Variants in SLF1 observed in about 807,000 individuals in gnomAD.
SLF1 encodes SMC5/6 complex localization factor 1, also known as SMC5-SMC6 complex localization factor protein 1.
SLF1 carries 105 observed loss-of-function variants against 123.0 expected under a neutral mutation model. The ratio of observed to expected loss-of-function variants is 0.85; its 90% CI spans 0.73 to 1.00. The LOEUF is 1.00. Ranked by LOEUF, SLF1 falls within the 50% of genes least tolerant of loss-of-function variation. The pLI is 0.00. For missense variants in SLF1, 1,239 were observed against 1,223.0 expected (o/e 1.01, Z -0.20); for synonymous variants, 434 against 406.6 (o/e 1.07, Z -0.81).
chr5:94,646,746 AT>A (rs1241664602), intron 5 of SLF1, among the ~76,000 whole-genome samples: 1 of 152,196 alleles, frequency 6.6e-6, no homozygotes, highest in Non-Finnish European at 1.5e-5. Flanking sequence ...TGTGGTCCAC[AT>A]TTATAATGTA....
chr5:94,694,710 A>G, intron 20 of SLF1, 121 bp from the exon 21 acceptor site: 1 of 1,287,702 alleles, frequency 7.8e-7, no homozygotes, highest in Non-Finnish European at 1.0e-6. Context: ...GTCGACATGA[A>G]TTAATACAAA....
At position 94,630,554 on chromosome 5, in the gene SLF1, G is replaced by A; in HGVS notation, c.242G>A (p.Arg81Lys). Residue 81 changes from arginine to lysine, a missense_variant, in exon 4 of 21, where the codon AGA becomes AAA. Transcript: ENST00000265140. ...DYIIHSAKSG[R>K]WLDETTYEWG... ...ATAATTCATAGTGCCAAAAGTGGCA[G>A]ATGGCTTGATGAAACAACTTATGAA... The A allele has an allele frequency of 6.4e-7, 1 of 1,551,564 alleles. No homozygotes were observed.
chr5:94,638,761 C>T (rs188620115), intron 4 of SLF1, among the ~76,000 whole-genome samples: 18 of 152,270 alleles, frequency 1.2e-4, no homozygotes, highest in African/African-American at 3.4e-4. Context: ...CTGTGGTTTA[C>T]GCCGGTATCC....
intron 8 of SLF1, among the ~76,000 whole-genome samples, chr5:94,654,164 C>G (rs1748095628): frequency 6.6e-6 from 1 of 151,684 alleles, no homozygotes; most frequent in South Asian, 2.1e-4. Context: ...GAGTAAGACC[C>G]CATCTCAAAA....
At chr5:94,673,006 G>T (rs1170302795) in intron 14 of SLF1, among the ~76,000 whole-genome samples, 2 of 152,186 alleles carry the variant, frequency 1.3e-5, no homozygotes, top group Admixed American at 6.5e-5. Flanking sequence ...CTAATCCAAT[G>T]TCTATGTTTG....
At chr5:94,661,345 C>T (rs974945726) in intron 9 of SLF1, among the ~76,000 whole-genome samples, 1 of 152,066 alleles carries the variant, frequency 6.6e-6, no homozygotes, top group African/African-American at 2.4e-5. Flanking sequence ...TTTGAGCCAG[C>T]TGCTTTGCTT....
chr5:94,628,023 C>T (rs1391730087), intron 1 of SLF1, among the ~76,000 whole-genome samples: 1 of 152,126 alleles, frequency 6.6e-6, no homozygotes, highest in Non-Finnish European at 1.5e-5. Context: ...GACAGGGTTT[C>T]ACCATGTTGG....
intron 10 of SLF1, among the ~76,000 whole-genome samples, chr5:94,663,144 T>G (rs780678921): frequency 2.0e-5 from 3 of 152,212 alleles, no homozygotes; most frequent in Non-Finnish European, 4.4e-5. Context: ...GCTGTAGCTC[T>G]TTCTCTTTTT....
intron 1 of SLF1, among the ~76,000 whole-genome samples, chr5:94,620,952 C>G (rs1791732749): frequency 6.6e-6 from 1 of 152,090 alleles, no homozygotes; most frequent in Non-Finnish European, 1.5e-5. Context: ...TACCAAATCA[C>G]TTTTGAGAGG....
At position 94,670,859 on chromosome 5, in the gene SLF1, G is replaced by A. The variant is rs1561460924; in HGVS notation, c.1678G>A (p.Asp560Asn). The stretch of plus-strand genomic sequence containing the variant: ...TTTAATTAGGTTGTATGACTGGTCA[G>A]ATTCTCAGAATCTGAAAATAACAGG... Reference protein sequence around the residue: ...HLSQKLYDWSDSQNLKITGKA... With the variant: ...HLSQKLYDWSNSQNLKITGKA... The change falls in exon 14 of 21, where the codon GAT becomes AAT. Residue 560 changes from aspartate (D) to asparagine (N), a missense_variant. Transcript: ENST00000265140. The A allele has an allele frequency of 6.5e-7, 1 of 1,549,462 alleles. No individual in the cohort carries two copies. Among genetic ancestry groups the A allele is most frequent in the Non-Finnish European group, 8.7e-7 (1 of 1,145,536 alleles).
intron 13 of SLF1, 41 bp downstream of exon 13, chr5:94,670,320 G>T: frequency 2.2e-6 from 3 of 1,388,206 alleles, no homozygotes; most frequent in South Asian, 1.7e-5. Context: ...CTAAATTTTG[G>T]TTGTTTTTAT....
intron 12 of SLF1, 115 bp downstream of exon 12, chr5:94,666,139 C>A: frequency 2.0e-6 from 2 of 990,948 alleles, no homozygotes; most frequent in Non-Finnish European, 2.8e-6. Flanking sequence ...AGTTTTGTTG[C>A]AAATACAAAT....
intron 15 of SLF1, among the ~76,000 whole-genome samples, chr5:94,681,743 CGGT>C (rs1751804319): frequency 6.7e-6 from 1 of 150,174 alleles, no homozygotes; most frequent in Admixed American, 6.7e-5. Context: ...TGAGAATATG[CGGT>C]GTCTGGTTTT....
intron 15 of SLF1, among the ~76,000 whole-genome samples, chr5:94,679,254 T>G (rs1751470647): frequency 6.6e-6 from 1 of 152,210 alleles, no homozygotes; most frequent in Admixed American, 6.5e-5. Context: ...TATTTTCCTC[T>G]AAACATTACA....
intron 20 of SLF1, among the ~76,000 whole-genome samples, chr5:94,693,793 T>G (rs1342696810): frequency 6.6e-6 from 1 of 151,760 alleles, no homozygotes; most frequent in African/African-American, 2.4e-5. Flanking sequence ...TTGGAACAAT[T>G]TTTTTGAGAT....
chr5:94,646,506 A>G (rs1422222670), intron 5 of SLF1, among the ~76,000 whole-genome samples: 1 of 152,214 alleles, frequency 6.6e-6, no homozygotes, highest in Non-Finnish European at 1.5e-5. Context: ...ATTCATATGA[A>G]TCGTGCATTT....
rs772311835 is a variant in SLF1, at chr5:94,692,204, T to C, written c.2643T>C (p.Asp881=). ...TQVDGVTPLH[D]ALSNGHVEIG... is the part of the protein sequence containing the mutation. ...TGGACGGGGTGACTCCTTTGCATGA[T>C]GCACTGTCAAACGGACATGTAGAAA... The change falls in exon 20 of 21, where the codon GAT becomes GAC. Residue 881 remains aspartate (D), a synonymous_variant. Coordinates refer to ENST00000265140, the MANE Select transcript of SLF1 (RefSeq NM_032290.4). 2 of 1,613,838 alleles carry C rather than the reference T, an allele frequency of 1.2e-6. No homozygotes were observed. Among genetic ancestry groups the C allele is most frequent in the Non-Finnish European group, 1.7e-6 (2 of 1,179,818 alleles).
intron 1 of SLF1, among the ~76,000 whole-genome samples, chr5:94,621,336 T>C (rs528607996): frequency 6.6e-6 from 1 of 152,318 alleles, no homozygotes; most frequent in Admixed American, 6.5e-5. Flanking sequence ...AGTAGTTTCT[T>C]AATCACTCCG....
At chr5:94,634,053 G>A (rs891205604) in intron 4 of SLF1, among the ~76,000 whole-genome samples, 8 of 151,750 alleles carry the variant, frequency 5.3e-5, no homozygotes, top group Non-Finnish European at 4.4e-5. Context: ...TTAAATTTTC[G>A]TTTCTTCTTT....
Sources: gnomAD v4.1 joint callset for allele counts (sites outside exome capture counted in the v4.1 genomes callset) on GRCh38, gnomAD v4.1.1 for gene constraint, MANE v1.5 for transcripts, NCBI Gene and HGNC (gene_info 2026-07-23, HGNC 2026-07-21) for gene names.